SLC4A1: variants seen among roughly 807,000 people sequenced by gnomAD.
SLC4A1 encodes band 3 anion transport protein.
Under a neutral mutation model 93.1 loss-of-function variants are expected in SLC4A1, and 29 were observed. The ratio of observed to expected loss-of-function variants is 0.31; its 90% CI spans 0.23 to 0.42. The LOEUF (loss-of-function observed/expected upper bound fraction) is 0.42, where lower values mean the gene tolerates loss of function less well. Ranked by LOEUF, SLC4A1 falls within the 20% of genes least tolerant of loss-of-function variation. The probability of loss-of-function intolerance (pLI) is 1.00; values close to 1 mark genes in which losing one functional copy is unlikely to be tolerated. For missense variants in SLC4A1, 965 were observed against 1,190.1 expected (o/e 0.81, Z 2.78); for synonymous variants, 469 against 497.2 (o/e 0.94, Z 0.76).
At chr17:44,264,542 G>C (rs2047479262) in intron 1 of SLC4A1, among the ~76,000 whole-genome samples, 1 of 152,234 alleles carries the variant, frequency 6.6e-6, no homozygotes, top group African/African-American at 2.4e-5. Flanking sequence ...TTTTGGAAGG[G>C]AAACTACCTG....
chr17:44,256,090 C>T (rs2047386828), intron 13 of SLC4A1, among the ~76,000 whole-genome samples: 1 of 152,090 alleles, frequency 6.6e-6, no homozygotes, highest in African/African-American at 2.4e-5. Flanking sequence ...TCTATCAACC[C>T]ATTTATCCAT....
At chr17:44,263,638 C>G (rs1048425846) in intron 1 of SLC4A1, among the ~76,000 whole-genome samples, 2 of 152,032 alleles carry the variant, frequency 1.3e-5, no homozygotes, top group African/African-American at 4.8e-5. Flanking sequence ...CAGAGGCCCT[C>G]CCTGGCCACC....
At chr17:44,266,219 C>T (rs1205441321) in intron 1 of SLC4A1, among the ~76,000 whole-genome samples, 1 of 152,078 alleles carries the variant, frequency 6.6e-6, no homozygotes, top group Non-Finnish European at 1.5e-5. Flanking sequence ...CCTGATGACC[C>T]ACCTCTTCTC....
At position 44,249,832 on chromosome 17, in the gene SLC4A1, C is replaced by T. The variant is rs946147680; in HGVS notation, c.*626G>A. ...GACGCATGACTGACAGAGGACAGAG[C>T]TCGGACCTTGAAATCAGAAGGCCTG... On this transcript the variant is annotated 3_prime_UTR_variant, in exon 20 of 20. Transcript: ENST00000262418. 2 of 157,092 alleles carry T rather than the reference C, an allele frequency of 1.3e-5. No homozygotes were observed. Among genetic ancestry groups the T allele is most frequent in the African/African-American group, 4.8e-5 (2 of 41,420 alleles). The allele number at this position is 157,092 out of a possible 1,614,324, so 9.7% of individuals were successfully genotyped here.
At chr17:44,255,398 G>A (rs1336747345) in intron 14 of SLC4A1, 102 bp from the exon 15 acceptor site, 45 of 887,042 alleles carry the variant, frequency 5.1e-5, no homozygotes, top group Non-Finnish European at 5.6e-5. Flanking sequence ...TCTTCCAGGG[G>A]ATCCATCAGC....
intron 17 of SLC4A1, 150 bp from the exon 18 acceptor site, chr17:44,251,738 T>C: frequency 1.6e-6 from 1 of 623,606 alleles, no homozygotes; most frequent in South Asian, 2.1e-5. Flanking sequence ...TTTTTTTTTT[T>C]TGTTTTTTTT....
At chr17:44,261,045 T>G (rs1257089354) in intron 4 of SLC4A1, among the ~76,000 whole-genome samples, 1 of 152,146 alleles carries the variant, frequency 6.6e-6, no homozygotes, top group African/African-American at 2.4e-5. Flanking sequence ...GAGAGGCCAC[T>G]GGGGAGGGAA....
intron 12 of SLC4A1, 27 bp downstream of exon 12, chr17:44,257,632 G>A (rs1482000858): frequency 6.2e-7 from 1 of 1,613,582 alleles, no homozygotes; most frequent in Non-Finnish European, 8.5e-7. Context: ...GGACATGACA[G>A]GGTCAGTGGG....
intron 1 of SLC4A1, 38 bp downstream of exon 1, chr17:44,268,016 C>A: frequency 1.0e-6 from 1 of 958,878 alleles, no homozygotes; most frequent in Non-Finnish European, 1.2e-6. Context: ...AGGGCAGGCA[C>A]CGAAGGACCA....
intron 13 of SLC4A1, among the ~76,000 whole-genome samples, chr17:44,256,939 G>A (rs990262846): frequency 6.6e-6 from 1 of 151,890 alleles, no homozygotes; most frequent in African/African-American, 2.4e-5. Flanking sequence ...ACAGGTGAAA[G>A]CAAAGACACA....
chr17:44,259,096 G>T, intron 9 of SLC4A1, 67 bp downstream of exon 9: 2 of 1,523,370 alleles, frequency 1.3e-6, no homozygotes, highest in Middle Eastern at 2.0e-4. Context: ...CCAGGTTGGA[G>T]AGCAGGCCTC....
rs767437892 is a variant in SLC4A1, at chr17:44,259,243, A to G, written c.796T>C (p.Phe266Leu). The G allele has an allele frequency of 1.9e-6, 3 of 1,613,896 alleles. No homozygotes were observed. In the African/African-American group the frequency reaches 4.0e-5, roughly 22 times the overall value. The part of the protein sequence containing the change: ...VELPVPIRFL[F>L]VLLGPEAPHI... The stretch of plus-strand genomic sequence containing the variant: ...GGGGCCTCAGGTCCCAGCAACACAA[A>G]GAGGAAGCGTATAGGCACCGGCAGC... Residue 266 changes from phenylalanine to leucine, a missense_variant, in exon 9 of 20, where the codon TTT becomes CTT. By Grantham distance (22) the Phe-to-Leu change is conservative. Transcript: ENST00000262418.
Position 44,255,112 on chromosome 17 carries a change from G to A in SLC4A1, c.1890+95C>T, listed in dbSNP as rs2047376807. On this transcript the variant is annotated intron_variant, in intron 15 of 19. Transcript: ENST00000262418. ...GTAGAGGTAGTCCCAGCTGGCTTCA[G>A]GTTGGGGAAAGCTATTCTAGGGAAG... is the stretch of plus-strand genomic sequence containing the variant. 5 of 878,232 alleles carry A rather than the reference G, an allele frequency of 5.7e-6. 1 individual carries two copies. In the Admixed American group the frequency reaches 8.0e-5, roughly 14 times the overall value. The allele number at this position is 878,232 out of a possible 1,614,324, so 54.4% of individuals were successfully genotyped here. A position where few individuals can be genotyped will look rare whatever the true frequency, so the allele number is the denominator to read the frequency against.
chr17:44,262,011 C>A (rs1198973656), intron 3 of SLC4A1: 5 of 1,192,260 alleles, frequency 4.2e-6, no homozygotes, highest in African/African-American at 1.6e-5. Flanking sequence ...GACCAGACTC[C>A]CTTCTCTCCT....
At position 44,249,441 on chromosome 17, in the gene SLC4A1, C is replaced by T; in HGVS notation, c.*1017G>A. 1 of 277,302 alleles carries T rather than the reference C, an allele frequency of 3.6e-6. No homozygotes were observed. Among genetic ancestry groups the T allele is most frequent in the South Asian group, 2.9e-5 (1 of 34,062 alleles). The allele number at this position is 277,302 out of a possible 1,614,324, so 17.2% of individuals were successfully genotyped here. A position where few individuals can be genotyped will look rare whatever the true frequency, so the allele number is the denominator to read the frequency against. The stretch of plus-strand genomic sequence containing the variant: ...TAGAAAATACGCAATTAATAAATTA[C>T]AAACCCCCTCACTCTCCCGCCCCTA... On this transcript the variant is annotated 3_prime_UTR_variant, in exon 20 of 20. Transcript: ENST00000262418.
At chr17:44,261,097 G>A (rs1316863874) in intron 4 of SLC4A1, among the ~76,000 whole-genome samples, 1 of 152,216 alleles carries the variant, frequency 6.6e-6, no homozygotes, top group Non-Finnish European at 1.5e-5. Context: ...AGCTAAAGGG[G>A]ACTTTGGAGT....
At chr17:44,251,388 C>T (rs762689279) in intron 18 of SLC4A1, 31 bp downstream of exon 18, 1 of 1,614,222 alleles carries the variant, frequency 6.2e-7, no homozygotes. Flanking sequence ...TCTACCACCC[C>T]AGGCTGGGCA....
intron 8 of SLC4A1, 74 bp downstream of exon 8, chr17:44,259,423 A>T: frequency 6.2e-7 from 1 of 1,603,372 alleles, no homozygotes; most frequent in South Asian, 1.1e-5. Context: ...GCGGGGGTCC[A>T]GGCTGAGGGA....
rs2047489674 is a variant in SLC4A1, at chr17:44,265,593, A to C, written c.-69+2461T>G. On this transcript the variant is annotated intron_variant, in intron 1 of 19. Coordinates refer to ENST00000262418, the MANE Select transcript of SLC4A1 (RefSeq NM_000342.4). The stretch of plus-strand genomic sequence containing the variant: ...TCACTGTGTTAGCCAGGATGGTCTC[A>C]ATCTCCTGACCTCGTGATCCACCCA... Among the ~76,000 whole-genome samples, 3 of 152,062 alleles carry C rather than the reference A, an allele frequency of 2.0e-5. No individual in the cohort carries two copies. The South Asian group carries it at 6.2e-4, about 32-fold the overall frequency.
Sources: allele counts gnomAD v4.1 joint callset (sites outside exome capture counted in the v4.1 genomes callset), GRCh38; gene constraint gnomAD v4.1.1; transcripts MANE v1.5; gene names NCBI Gene and HGNC (gene_info 2026-07-23, HGNC 2026-07-21).